SLC24A2: variants seen among roughly 807,000 people sequenced by gnomAD.
The protein encoded by SLC24A2 is solute carrier family 24 member 2.
Under a neutral mutation model 62.0 loss-of-function variants are expected in SLC24A2, and 36 were observed. The observed-to-expected ratio is 0.58, with a 90% CI of 0.44 to 0.77. The LOEUF is 0.77. Ranked by LOEUF, SLC24A2 falls within the 30% of genes least tolerant of loss-of-function variation. The probability of loss-of-function intolerance (pLI) is 0.00; values close to 1 mark genes in which losing one functional copy is unlikely to be tolerated. For synonymous variants in SLC24A2, 358 were observed against 294.0 expected (o/e 1.22, Z -2.23); for missense variants, 846 against 817.9 (o/e 1.03, Z -0.42).
chr9:20,083,315 C>A, the SLC24A2 span, among the ~76,000 whole-genome samples: 2 of 152,190 alleles, frequency 1.3e-5, no homozygotes, highest in African/African-American at 4.8e-5. Flanking sequence ...CCAGCAGTTG[C>A]GCTGCACCTT....
chr9:19,791,426 A>G (rs1292867275), upstream of SLC24A2, among the ~76,000 whole-genome samples: 1 of 152,230 alleles, frequency 6.6e-6, no homozygotes, highest in Admixed American at 6.5e-5. Flanking sequence ...GTCATCTTTT[A>G]GAAAATCAGG....
chr9:20,276,730 A>G, the SLC24A2 span, among the ~76,000 whole-genome samples: 1 of 152,212 alleles, frequency 6.6e-6, no homozygotes, highest in Non-Finnish European at 1.5e-5. Context: ...AGGTATTTCC[A>G]TACATCCTCT....
At chr9:19,970,487 C>A in the SLC24A2 span, among the ~76,000 whole-genome samples, 1 of 152,048 alleles carries the variant, frequency 6.6e-6, no homozygotes, top group Non-Finnish European at 1.5e-5. Flanking sequence ...AAATTCCTAA[C>A]ACAGAAAATC....
chr9:19,654,480 C>G (rs535323889), intron 2 of SLC24A2, among the ~76,000 whole-genome samples: 46 of 152,294 alleles, frequency 3.0e-4, no homozygotes, highest in African/African-American at 1.0e-3. Context: ...TCTGCCCATT[C>G]GATTGCTCCA....
the SLC24A2 span, among the ~76,000 whole-genome samples, chr9:19,820,056 CACATAT>C: frequency 2.1e-3 from 44 of 20,722 alleles, no homozygotes; most frequent in African/African-American, 3.7e-3. Flanking sequence ...TATATATATA[CACATAT>C]ATATATATAT....
the SLC24A2 span, among the ~76,000 whole-genome samples, chr9:19,920,633 C>T: frequency 6.6e-5 from 10 of 152,310 alleles, no homozygotes; most frequent in East Asian, 1.9e-3. Context: ...TGGTATTTAT[C>T]TGCCGTCTCC....
chr9:20,193,725 ATAAT>A, the SLC24A2 span, among the ~76,000 whole-genome samples: 2 of 152,130 alleles, frequency 1.3e-5, no homozygotes, highest in African/African-American at 2.4e-5. Context: ...AAATAACTGA[ATAAT>A]TAGAGACACT....
At chr9:19,688,300 C>T (rs944144551) in intron 2 of SLC24A2, among the ~76,000 whole-genome samples, 1 of 152,088 alleles carries the variant, frequency 6.6e-6, no homozygotes, top group Non-Finnish European at 1.5e-5. Flanking sequence ...TCTCCAGAGC[C>T]TCAGTTTCTT....
the SLC24A2 span, among the ~76,000 whole-genome samples, chr9:20,095,847 T>C: frequency 3.3e-5 from 5 of 152,076 alleles, no homozygotes; most frequent in East Asian, 1.9e-4. Context: ...GCAAGTCTTA[T>C]ATGGCAGCAG....
intron 8 of SLC24A2, among the ~76,000 whole-genome samples, chr9:19,529,752 T>G (rs1490255199): frequency 2.7e-5 from 2 of 73,152 alleles, no homozygotes; most frequent in African/African-American, 4.8e-5. Context: ...GAGACCTTCG[T>G]TTTTTTTTTT....
At chr9:19,982,935 G>A in the SLC24A2 span, among the ~76,000 whole-genome samples, 1 of 152,030 alleles carries the variant, frequency 6.6e-6, no homozygotes, top group Non-Finnish European at 1.5e-5. Context: ...TCATGATGTG[G>A]AAAAAAGATT....
the SLC24A2 span, among the ~76,000 whole-genome samples, chr9:19,843,932 G>C: frequency 6.6e-6 from 1 of 152,160 alleles, no homozygotes; most frequent in African/African-American, 2.4e-5. Flanking sequence ...CTGTTGGTGG[G>C]CATCTAGGTT....
intron 2 of SLC24A2, among the ~76,000 whole-genome samples, chr9:19,636,753 T>G (rs1818368454): frequency 6.6e-6 from 1 of 152,046 alleles, no homozygotes; most frequent in South Asian, 2.1e-4. Context: ...GTTTTTAATT[T>G]GGAAACTATA....
At chr9:20,200,555 TAGAG>T in the SLC24A2 span, among the ~76,000 whole-genome samples, 2 of 152,180 alleles carry the variant, frequency 1.3e-5, no homozygotes, top group African/African-American at 4.8e-5. Context: ...AAAGTAGAAA[TAGAG>T]AAAGCAGTCA....
the SLC24A2 span, among the ~76,000 whole-genome samples, chr9:20,056,475 T>C: frequency 6.6e-6 from 1 of 152,212 alleles, no homozygotes; most frequent in African/African-American, 2.4e-5. Context: ...CAACAAATGT[T>C]TGGATTAATA....
the SLC24A2 span, among the ~76,000 whole-genome samples, chr9:20,064,547 G>C: frequency 6.6e-6 from 1 of 152,134 alleles, no homozygotes; most frequent in Non-Finnish European, 1.5e-5. Flanking sequence ...AGATGAGGTT[G>C]TTATTTACAC....
the SLC24A2 span, among the ~76,000 whole-genome samples, chr9:20,163,537 A>G: frequency 3.6e-4 from 55 of 152,236 alleles, no homozygotes; most frequent in Non-Finnish European, 6.8e-4. Flanking sequence ...AATCAATACC[A>G]TGAAAATGGT....
At chr9:20,088,158 C>A in the SLC24A2 span, among the ~76,000 whole-genome samples, 27 of 152,334 alleles carry the variant, frequency 1.8e-4, 1 homozygote, top group African/African-American at 6.0e-4. Context: ...CATACATACT[C>A]CTAGGAAAGG....
the SLC24A2 span, among the ~76,000 whole-genome samples, chr9:20,298,140 C>G: frequency 6.6e-6 from 1 of 152,134 alleles, no homozygotes; most frequent in East Asian, 1.9e-4. Flanking sequence ...AGGCACAGTC[C>G]CAGAGACTTT....
Sources: allele counts gnomAD v4.1 joint callset (sites outside exome capture counted in the v4.1 genomes callset), GRCh38; gene constraint gnomAD v4.1.1; transcripts MANE v1.5; gene names NCBI Gene and HGNC (gene_info 2026-07-23, HGNC 2026-07-21).